Variants in SARS2 observed in about 807,000 individuals in gnomAD.
The protein encoded by SARS2 is serine--tRNA ligase, mitochondrial.
A neutral mutation model predicts 66.8 loss-of-function variants in SARS2; 52 were observed. That is an observed-to-expected ratio of 0.78 (90% CI 0.62 to 0.98). The LOEUF is 0.98. SARS2 is among the 50% of genes least tolerant of loss of function. The probability of loss-of-function intolerance (pLI) is 0.00; values close to 1 mark genes in which losing one functional copy is unlikely to be tolerated. For synonymous variants in SARS2, 306 were observed against 281.4 expected (o/e 1.09, Z -0.87); for missense variants, 673 against 706.3 (o/e 0.95, Z 0.53).
intron 2 of SARS2, among the ~76,000 whole-genome samples, chr19:38,923,643 T>A (rs1007509233): frequency 4.0e-5 from 6 of 151,488 alleles, no homozygotes; most frequent in Admixed American, 2.0e-4. Flanking sequence ...GAGAGCAGCC[T>A]GGCCAACATG....
chr19:38,926,611 C>A (rs570541147), intron 1 of SARS2, among the ~76,000 whole-genome samples: 29 of 151,974 alleles, frequency 1.9e-4, no homozygotes, highest in African/African-American at 6.8e-4. Context: ...CATGGTGAAA[C>A]CCCATCTCTA....
chr19:38,928,850 T>C (rs1038351679), intron 1 of SARS2, among the ~76,000 whole-genome samples: 4 of 152,196 alleles, frequency 2.6e-5, no homozygotes, highest in Non-Finnish European at 5.9e-5. Flanking sequence ...TATCTGTCTC[T>C]ATGAATTTGA....
Position 38,918,324 on chromosome 19 carries a change from T to G in SARS2, c.916+98A>C. ...CATGTTGGCCCTGGGGCTGCTGAGCTGCTCGGGGCAGGTGATCCCCCCCAG... is the reference window on the plus strand; with the variant it reads ...CATGTTGGCCCTGGGGCTGCTGAGCGGCTCGGGGCAGGTGATCCCCCCCAG... On this transcript the variant is annotated intron_variant, in intron 9 of 15. Transcript: ENST00000221431. 3.2e-6 allele frequency: 4 copies of G among 1,251,952 alleles called. No individual in the cohort carries two copies. The South Asian group carries it at 3.7e-5, about 12-fold the overall frequency. 77.6% of individuals were successfully genotyped at this position (1,251,952 alleles called of 1,614,324 possible). A position where few individuals can be genotyped will look rare whatever the true frequency, so the allele number is the denominator to read the frequency against.
rs1467787781 is a variant in SARS2, at chr19:38,921,535, G to C, written c.526C>G (p.Pro176Ala). 6.2e-7 allele frequency: 1 copy of C among 1,614,174 alleles called. No individual in the cohort carries two copies. Reference protein sequence around the residue: ...QALKLPNQTHPDVPVGDESQA... With the variant: ...QALKLPNQTHADVPVGDESQA... ...CCCAGCACGGTGCTCACCACGTCTGGGTGGGTCTGGTTGGGCAGCTTCAGC... is the reference window on the plus strand; with the variant it reads ...CCCAGCACGGTGCTCACCACGTCTGCGTGGGTCTGGTTGGGCAGCTTCAGC... The change falls in exon 4 of 16, where the codon CCA (proline) becomes GCA (alanine). Residue 176 changes from proline (P) to alanine (A), a missense_variant. Transcript: ENST00000221431.
chr19:38,922,758 CCT>C (rs1211115314), intron 2 of SARS2, among the ~76,000 whole-genome samples: 2 of 152,128 alleles, frequency 1.3e-5, no homozygotes, highest in African/African-American at 2.4e-5. Context: ...GCAGTTACCC[CCT>C]GTGGCTGTCT....
rs200138426 is a variant in SARS2, at chr19:38,930,503, C to A, written c.234G>T (p.Lys78Asn). 3 of 1,610,026 alleles carry A rather than the reference C, an allele frequency of 1.9e-6. No individual in the cohort carries two copies. In the Admixed American group the frequency reaches 5.0e-5, roughly 27 times the overall value. Residue 78 changes from lysine (K) to asparagine (N), a missense_variant, in exon 1 of 16, where the codon AAG (lysine) becomes AAT (asparagine). Transcript: ENST00000221431. ...GCAGGTCCGCCGAGCGCAGCTCCCCCTTGCGGAGCTCCAGGGCGTGTGCGG... is the reference window on the plus strand; with the variant it reads ...GCAGGTCCGCCGAGCGCAGCTCCCCATTGCGGAGCTCCAGGGCGTGTGCGG... Reference protein sequence around the residue: ...EEAAHALELRKGELRSADLPA... With the variant: ...EEAAHALELRNGELRSADLPA...
intron 2 of SARS2, among the ~76,000 whole-genome samples, chr19:38,923,959 G>A (rs943235576): frequency 7.7e-6 from 1 of 129,410 alleles, no homozygotes; most frequent in Non-Finnish European, 1.6e-5. Context: ...AGGTGGAAGA[G>A]CGAGACTCAG....
chr19:38,929,911 A>AT (rs1172751997), intron 1 of SARS2: 2 of 152,830 alleles, frequency 1.3e-5, no homozygotes, highest in Non-Finnish European at 2.9e-5. Context: ...TATTCACCGC[A>AT]TATTTGCAAC....
intron 12 of SARS2, among the ~76,000 whole-genome samples, chr19:38,916,681 G>A (rs947224679): frequency 3.4e-5 from 2 of 58,454 alleles, no homozygotes; most frequent in African/African-American, 1.6e-4. Flanking sequence ...TTTTTTTTTT[G>A]AGACGGAGTC....
Position 38,926,192 on chromosome 19 carries a change from G to T in SARS2, c.363+13C>A, listed in dbSNP as rs779006456. ...CGTGGCCACTCCCCACCTACTCAGG[G>T]CACCATGCTCACCAGCAGGGCCCGC... is the stretch of plus-strand genomic sequence containing the variant. On this transcript the variant is annotated intron_variant, in intron 2 of 15. Coordinates refer to ENST00000221431, the MANE Select transcript of SARS2 (RefSeq NM_017827.4). The T allele has an allele frequency of 6.2e-7, 1 of 1,601,566 alleles. No individual in the cohort carries two copies. Among genetic ancestry groups the T allele is most frequent in the South Asian group, 1.1e-5 (1 of 90,998 alleles).
chr19:38,915,480 C>A lies in SARS2; in HGVS notation c.*126G>T. The stretch of plus-strand genomic sequence containing the variant: ...AGGTGGACCCCGTGGTCCAGGGGCC[C>A]GGGCGTGGAGCTGACAGGAAGAACA... On this transcript the variant is annotated 3_prime_UTR_variant, in exon 16 of 16. Transcript: ENST00000221431. 8.6e-7 allele frequency: 1 copy of A among 1,168,328 alleles called. No individual in the cohort carries two copies. 72.4% of individuals were successfully genotyped at this position (1,168,328 alleles called of 1,614,324 possible).
chr19:38,920,244 T>C (rs1600166176), intron 5 of SARS2, 95 bp from the exon 6 acceptor site: 11 of 968,462 alleles, frequency 1.1e-5, no homozygotes, highest in East Asian at 2.6e-5. Flanking sequence ...GGAGGGACGG[T>C]GAGAGAAAAT....
At chr19:38,917,472 G>A (rs1974437135) in intron 12 of SARS2, among the ~76,000 whole-genome samples, 1 of 152,232 alleles carries the variant, frequency 6.6e-6, no homozygotes, top group Non-Finnish European at 1.5e-5. Context: ...GGAGCAGCAG[G>A]AGGAAAGGGG....
rs374926806 is a variant in SARS2 at position 38,930,682 on chromosome 19, G to C, written c.55C>G (p.Arg19Gly). ...LWPLLTRRGF[R>G]PRGGCISNDS... ...TTGGAGATGCAGCCTCCCCGGGGCC[G>C]GAACCCCCGACGAGTCAGCAAAGGC... Residue 19 changes from arginine (R) to glycine (G), a missense_variant, in exon 1 of 16, where the codon CGG (arginine) becomes GGG (glycine). Coordinates refer to ENST00000221431, the MANE Select transcript of SARS2 (RefSeq NM_017827.4). The C allele has an allele frequency of 4.3e-6, 7 of 1,613,880 alleles. No individual in the cohort carries two copies. The African/African-American group carries it at 5.3e-5, about 12-fold the overall frequency.
intron 9 of SARS2, 137 bp downstream of exon 9, chr19:38,918,285 C>T: frequency 1.7e-6 from 2 of 1,152,688 alleles, no homozygotes. Context: ...CAGTAAACAA[C>T]CTACACAGCC....
At chr19:38,930,269 G>A (rs1974710343) in intron 1 of SARS2, 1 of 651,252 alleles carries the variant, frequency 1.5e-6, no homozygotes, top group Non-Finnish European at 2.6e-6. Context: ...GGACACAGTA[G>A]GCATTCTTGG....
At position 38,923,609 on chromosome 19, in the gene SARS2, C is replaced by A. The variant is rs370496764; in HGVS notation, c.364-1342G>T. Among the ~76,000 whole-genome samples, 83 of 152,114 alleles carry A rather than the reference C, an allele frequency of 5.5e-4. 1 individual carries two copies. The South Asian group carries it at 9.6e-3, about 18-fold the overall frequency. ...CAGCACTTTGGGAGGCTGAGGTGGG[C>A]AGATCACCTGAGGCCAGCAGTTGGA... is the stretch of plus-strand genomic sequence containing the variant. On this transcript the variant is annotated intron_variant, in intron 2 of 15. Coordinates refer to ENST00000221431, the MANE Select transcript of SARS2 (RefSeq NM_017827.4).
In SARS2 at chr19:38,927,128, G is replaced by C. The variant is rs530382011; in HGVS notation, c.268-828C>G. Among the ~76,000 whole-genome samples the C allele has an allele frequency of 1.3e-4, 19 of 151,908 alleles. No homozygotes were observed. The South Asian group carries it at 4.0e-3, about 32-fold the overall frequency. ...AGTTTTGTATTTTTTAATAGAGGCAGGGTTTCACCATGTTGGCCAGGCTGG... is the reference window on the plus strand; with the variant it reads ...AGTTTTGTATTTTTTAATAGAGGCACGGTTTCACCATGTTGGCCAGGCTGG... On this transcript the variant is annotated intron_variant, in intron 1 of 15. Transcript: ENST00000221431.
intron 5 of SARS2, among the ~76,000 whole-genome samples, chr19:38,920,732 AAGACACAGATACAC>A (rs1974507026): frequency 6.7e-6 from 1 of 149,778 alleles, no homozygotes; most frequent in Non-Finnish European, 1.5e-5. Flanking sequence ...GATACACACA[AAGACACAGATACAC>A]AGACACAGAT....
Sources: allele counts gnomAD v4.1 joint callset (sites outside exome capture counted in the v4.1 genomes callset), GRCh38; gene constraint gnomAD v4.1.1; transcripts MANE v1.5; gene names NCBI Gene and HGNC (gene_info 2026-07-23, HGNC 2026-07-21).